Variants in ISCU observed in about 807,000 individuals in gnomAD.
ISCU encodes iron-sulfur cluster assembly enzyme.
A neutral mutation model predicts 18.4 loss-of-function variants in ISCU; 13 were observed. The observed-to-expected ratio is 0.71, with a 90% CI of 0.46 to 1.12. ISCU has a LOEUF of 1.12. Among genes scored for constraint, ISCU ranks in the 50% most tolerant of loss-of-function variants. The pLI is 0.00. For missense variants in ISCU, 229 were observed against 208.7 expected (o/e 1.10, Z -0.60); for synonymous variants, 104 against 87.5 (o/e 1.19, Z -1.06).
intron 1 of ISCU, chr12:108,563,970 G>C (rs2030759541): frequency 1.2e-6 from 1 of 828,800 alleles, no homozygotes; most frequent in Non-Finnish European, 2.1e-6. Flanking sequence ...TTGAGCCCAA[G>C]TCTGGTGATG....
At position 108,568,735 on chromosome 12, in the gene ISCU, C is replaced by T. The variant is rs569074244; in HGVS notation, c.419-96C>T. 1.4e-5 allele frequency: 22 copies of T among 1,548,032 alleles called. 1 individual carries two copies. The South Asian group carries it at 2.4e-4, about 17-fold the overall frequency. On this transcript the variant is annotated intron_variant, in intron 4 of 4. Coordinates refer to ENST00000311893, the MANE Select transcript of ISCU (RefSeq NM_213595.4). ...GGCTTGGTTACTCCATTAGTCCCCACCAGCACCACTTCCTCCCAGCTCTTA... is the reference window on the plus strand; with the variant it reads ...GGCTTGGTTACTCCATTAGTCCCCATCAGCACCACTTCCTCCCAGCTCTTA...
intron 3 of ISCU, among the ~76,000 whole-genome samples, chr12:108,565,842 T>A (rs1320360123): frequency 6.6e-6 from 1 of 152,180 alleles, no homozygotes; most frequent in East Asian, 1.9e-4. Flanking sequence ...TAGCCTGTGT[T>A]AAAAGAGGGA....
intron 2 of ISCU, among the ~76,000 whole-genome samples, chr12:108,564,641 C>T (rs1445046596): frequency 6.6e-6 from 1 of 152,228 alleles, no homozygotes; most frequent in Non-Finnish European, 1.5e-5. Context: ...CATTTTTGTA[C>T]TCACTGTATC....
upstream of ISCU, among the ~76,000 whole-genome samples, chr12:108,562,116 G>A (rs1219755206): frequency 6.6e-6 from 1 of 152,198 alleles, no homozygotes; most frequent in African/African-American, 2.4e-5. Flanking sequence ...CAGCGAGCCG[G>A]TACCATTCGT....
At chr12:108,565,223 C>G in intron 2 of ISCU, 98 bp from the exon 3 acceptor site, 1 of 854,798 alleles carries the variant, frequency 1.2e-6, no homozygotes, top group Non-Finnish European at 2.0e-6. Context: ...GGAAAGCAAG[C>G]CCAAAGCCCT....
rs768007540 is a variant in ISCU, at chr12:108,565,273, C to T, written c.229-48C>T. 6 of 1,415,548 alleles carry T rather than the reference C, an allele frequency of 4.2e-6. No homozygotes were observed. In the South Asian group the frequency reaches 5.7e-5, roughly 14 times the overall value. The allele number at this position is 1,415,548 out of a possible 1,614,324, so 87.7% of individuals were successfully genotyped here. A position where few individuals can be genotyped will look rare whatever the true frequency, so the allele number is the denominator to read the frequency against. ...GTGAACCTTCGTGAGTGCCAGGTTCCAGAGGGTGGTCCCAGGACTCACCAC... is the reference window on the plus strand; with the variant it reads ...GTGAACCTTCGTGAGTGCCAGGTTCTAGAGGGTGGTCCCAGGACTCACCAC... On this transcript the variant is annotated intron_variant, in intron 2 of 4. Transcript: ENST00000311893.
At position 108,569,034 on chromosome 12, in the gene ISCU, A is replaced by G. The variant is rs2031032402; in HGVS notation, c.*118A>G. 1.2e-5 allele frequency: 10 copies of G among 802,908 alleles called. No homozygotes were observed. Among genetic ancestry groups the G allele is most frequent in the South Asian group, 2.9e-5 (2 of 68,216 alleles). 49.7% of individuals were successfully genotyped at this position (802,908 alleles called of 1,614,324 possible). The stretch of plus-strand genomic sequence containing the variant: ...ACTGAAGAGCTATGAGATACGCACA[A>G]TACTTGCTGTTCACGTTATGACTCT... On this transcript the variant is annotated 3_prime_UTR_variant, in exon 5 of 5. Coordinates refer to ENST00000311893, the MANE Select transcript of ISCU (RefSeq NM_213595.4).
chr12:108,565,370 T>C lies in ISCU; in HGVS notation c.278T>C (p.Phe93Ser), dbSNP rs1460815080. Residue 93 changes from phenylalanine to serine, a missense_variant, in exon 3 of 5, where the codon TTT (phenylalanine) becomes TCT (serine). Coordinates refer to ENST00000311893, the MANE Select transcript of ISCU (RefSeq NM_213595.4). The stretch of plus-strand genomic sequence containing the variant: ...ATTGTGGATGCTAGGTTTAAAACAT[T>C]TGGCTGTGGTTCCGCAATTGCCTCC... ...GKIVDARFKT[F>S]GCGSAIASSS... The C allele has an allele frequency of 1.2e-6, 2 of 1,614,184 alleles. No individual in the cohort carries two copies.
At chr12:108,567,063 T>C (rs1421084059) in intron 3 of ISCU, 127 bp from the exon 4 acceptor site, 2 of 734,298 alleles carry the variant, frequency 2.7e-6, no homozygotes, top group Non-Finnish European at 4.9e-6. Flanking sequence ...CCCTTAGCCG[T>C]TTGAGTTATT....
In ISCU at chr12:108,564,378, G is replaced by A. The variant is rs914914914; in HGVS notation, c.214G>A (p.Val72Ile). 9 of 1,611,220 alleles carry A rather than the reference G, an allele frequency of 5.6e-6. No individual in the cohort carries two copies. In the African/African-American group the frequency reaches 6.7e-5, roughly 12 times the overall value. ...GGTGGGGGCTCCAGCATGTGGTGAC[G>A]TAATGAAATTACAGGTATGGCTAGT... ...GLVGAPACGD[V>I]MKLQIQVDEK... Residue 72 changes from valine (V) to isoleucine (I), a missense_variant, in exon 2 of 5, where the codon GTA (valine) becomes ATA (isoleucine). By Grantham distance (29) the Val-to-Ile change is conservative. Transcript: ENST00000311893.
At chr12:108,564,117 A>G in intron 1 of ISCU, 162 bp from the exon 2 acceptor site, 2 of 1,613,612 alleles carry the variant, frequency 1.2e-6, no homozygotes, top group Non-Finnish European at 1.7e-6. Flanking sequence ...GGGGTCACAA[A>G]TGGTTCTCAT....
chr12:108,568,380 T>G, intron 4 of ISCU: 1 of 1,094,430 alleles, frequency 9.1e-7, no homozygotes, highest in African/African-American at 1.6e-5. Context: ...ATCAACAGAT[T>G]GACATGATCT....
chr12:108,562,673 G>A lies in ISCU; in HGVS notation c.51G>A (p.Leu17=), dbSNP rs112552261. 2,193 of 1,454,254 alleles carry A rather than the reference G, an allele frequency of 1.5e-3. 27 individuals carry two copies. The African/African-American group carries it at 0.026, about 17-fold the overall frequency. The allele number at this position is 1,454,254 out of a possible 1,614,324, so 90.1% of individuals were successfully genotyped here. A position where few individuals can be genotyped will look rare whatever the true frequency, so the allele number is the denominator to read the frequency against. ...FRLRRAASAL[L]LRSPRLPARE... is the part of the protein sequence containing the mutation. The stretch of plus-strand genomic sequence containing the variant: ...TGAGGCGGGCGGCATCGGCTCTGCT[G>A]CTGCGGAGCCCCCGCCTGCCCGCCC... The change falls in exon 1 of 5, where the codon CTG becomes CTA. Residue 17 remains leucine, a synonymous_variant. Coordinates refer to ENST00000311893, the MANE Select transcript of ISCU (RefSeq NM_213595.4).
intron 1 of ISCU, chr12:108,562,956 G>C (rs2030687509): frequency 2.6e-6 from 1 of 386,124 alleles, no homozygotes; most frequent in Non-Finnish European, 4.6e-6. Flanking sequence ...CGCTGGCCGC[G>C]ACTTCGTGCG....
At chr12:108,567,727 C>T in intron 4 of ISCU, 2 of 1,535,910 alleles carry the variant, frequency 1.3e-6, no homozygotes, top group Non-Finnish European at 1.7e-6. Flanking sequence ...TGTATTTCTT[C>T]ACTTCCTGTC....
At chr12:108,567,093 C>CA in intron 3 of ISCU, 97 bp from the exon 4 acceptor site, 1 of 879,340 alleles carries the variant, frequency 1.1e-6, no homozygotes, top group Non-Finnish European at 1.9e-6. Flanking sequence ...TCATCCCCAC[C>CA]AACCCTGAGA....
chr12:108,562,398 G>C (rs978056444), upstream of ISCU, among the ~76,000 whole-genome samples: 1 of 152,272 alleles, frequency 6.6e-6, no homozygotes, highest in African/African-American at 2.4e-5. Context: ...CCAGCACCCA[G>C]GACAAGCCCT....
In ISCU at chr12:108,569,084, A is replaced by G. The variant is rs562659025; in HGVS notation, c.*168A>G. ...TCATGCAAGCAAAATACACAGTTTC[A>G]TTGTTCTGAATCCTGTGGTTTCTTT... On this transcript the variant is annotated 3_prime_UTR_variant, in exon 5 of 5. Coordinates refer to ENST00000311893, the MANE Select transcript of ISCU (RefSeq NM_213595.4). 1.4e-5 allele frequency: 9 copies of G among 648,990 alleles called. No individual in the cohort carries two copies. The East Asian group carries it at 2.5e-4, about 18-fold the overall frequency. 40.2% of individuals were successfully genotyped at this position (648,990 alleles called of 1,614,324 possible).
At chr12:108,565,552 G>C in intron 3 of ISCU, 121 bp downstream of exon 3, 1 of 710,556 alleles carries the variant, frequency 1.4e-6, no homozygotes. Flanking sequence ...CTTCAAATTG[G>C]GAATTATGGA....
Sources: gnomAD v4.1 joint callset for allele counts (sites outside exome capture counted in the v4.1 genomes callset) on GRCh38, gnomAD v4.1.1 for gene constraint, MANE v1.5 for transcripts, NCBI Gene and HGNC (gene_info 2026-07-23, HGNC 2026-07-21) for gene names.